The following LEF1 variants were observed in gnomAD, a reference collection of about 807,000 sequenced individuals.
LEF1 encodes lymphoid enhancer binding factor 1.
Under a neutral mutation model 51.2 loss-of-function variants are expected in LEF1, and 14 were observed. The ratio of observed to expected loss-of-function variants is 0.27; its 90% CI spans 0.18 to 0.43. The LOEUF (loss-of-function observed/expected upper bound fraction) is 0.43. Ranked by LOEUF, LEF1 falls within the 20% of genes least tolerant of loss-of-function variation. LEF1 has a pLI of 1.00. For synonymous variants in LEF1, 185 were observed against 183.2 expected (o/e 1.01, Z -0.08); for missense variants, 386 against 512.0 (o/e 0.75, Z 2.37).
rs148552511 is a variant in LEF1 at position 108,063,299 on chromosome 4, T to C, written c.*6+324A>G. Reference sequence around the variant, plus strand: ...AAGATGGCATTTTGCTTACTGTTTGTTGTTGTTTGTTCTTTTTTTAAGCAG... The same window carrying C: ...AAGATGGCATTTTGCTTACTGTTTGCTGTTGTTTGTTCTTTTTTTAAGCAG... On this transcript the variant is annotated intron_variant, in intron 11 of 11. Coordinates refer to ENST00000265165, the MANE Select transcript of LEF1 (RefSeq NM_016269.5). 1.9e-3 allele frequency among the ~76,000 whole-genome samples: 290 copies of C among 152,268 alleles called. 1 individual carries two copies. The highest frequency in any genetic ancestry group is 6.5e-3 in the African/African-American group (272 of 41,558).
At chr4:108,153,057 T>A (rs1190046503) in intron 3 of LEF1, among the ~76,000 whole-genome samples, 1 of 152,236 alleles carries the variant, frequency 6.6e-6, no homozygotes, top group Non-Finnish European at 1.5e-5. Context: ...CCTCCCTAGC[T>A]TGGTCACTAA....
At chr4:108,086,829 T>TACACAC (rs139231288) in intron 4 of LEF1, among the ~76,000 whole-genome samples, 108 of 149,410 alleles carry the variant, frequency 7.2e-4, no homozygotes, top group South Asian at 3.6e-3. Flanking sequence ...CACACACACT[T>TACACAC]ACACACACAC....
chr4:108,070,785 A>T lies in LEF1; in HGVS notation c.1009-15T>A, dbSNP rs2126275048. On this transcript the variant is annotated splice_polypyrimidine_tract_variant and intron_variant, in intron 8 of 11. Coordinates refer to ENST00000265165, the MANE Select transcript of LEF1 (RefSeq NM_016269.5). ...AGGGCATGCCACTAAAACAGAGAGGAAGGAAGAAAAAAACAAAAGTAAGCA... is the reference window on the plus strand; with the variant it reads ...AGGGCATGCCACTAAAACAGAGAGGTAGGAAGAAAAAAACAAAAGTAAGCA... 6.4e-7 allele frequency: 1 copy of T among 1,573,700 alleles called. No homozygotes were observed. Among genetic ancestry groups the T allele is most frequent in the East Asian group, 2.2e-5 (1 of 44,616 alleles).
At chr4:108,084,906 C>T (rs573356874) in intron 4 of LEF1, among the ~76,000 whole-genome samples, 1 of 152,120 alleles carries the variant, frequency 6.6e-6, no homozygotes, top group South Asian at 2.1e-4. Context: ...CCAGATACCT[C>T]CCCAAATCTC....
chr4:108,145,860 A>G (rs373299657), intron 3 of LEF1, among the ~76,000 whole-genome samples: 25 of 152,202 alleles, frequency 1.6e-4, no homozygotes, highest in African/African-American at 5.5e-4. Flanking sequence ...AGATAAGGGG[A>G]TAATAGCTAA....
intron 3 of LEF1, among the ~76,000 whole-genome samples, chr4:108,155,202 T>C (rs531106549): frequency 6.6e-6 from 1 of 152,296 alleles, no homozygotes; most frequent in South Asian, 2.1e-4. Context: ...TCCATTCAAG[T>C]AGTTAAGAGT....
At chr4:108,079,453 T>A (rs746101783) in intron 7 of LEF1, 39 bp downstream of exon 7, 20 of 1,610,896 alleles carry the variant, frequency 1.2e-5, no homozygotes, top group Non-Finnish European at 1.6e-5. Flanking sequence ...ATCCTCAGTA[T>A]CCTAAGGCAA....
At chr4:108,147,497 T>C (rs1744067276) in intron 3 of LEF1, among the ~76,000 whole-genome samples, 1 of 152,210 alleles carries the variant, frequency 6.6e-6, no homozygotes, top group South Asian at 2.1e-4. Context: ...GAAATATTTC[T>C]TTTTGAAAAA....
intron 3 of LEF1, among the ~76,000 whole-genome samples, chr4:108,149,437 C>G (rs553529077): frequency 9.6e-6 from 1 of 103,878 alleles, no homozygotes; most frequent in African/African-American, 4.3e-5. Flanking sequence ...CCAGCCTGGG[C>G]GACAGAGCGA....
At chr4:108,093,962 T>G (rs1740215742) in intron 3 of LEF1, among the ~76,000 whole-genome samples, 1 of 152,158 alleles carries the variant, frequency 6.6e-6, no homozygotes, top group African/African-American at 2.4e-5. Flanking sequence ...GCAGGTACTA[T>G]TATTATCCCC....
Position 108,092,939 on chromosome 4 carries a change from A to AAAAAAAAAAAAAC in LEF1, c.415-3683_415-3682insGTTTTTTTTTTTT, listed in dbSNP as rs1553952202. Reference sequence around the variant, plus strand: ...ATGTAAAAAAAAAAAAAAAAAAAAAAAAAAAAAAAAGACAAGCAAAATCTG... The same window carrying AAAAAAAAAAAAAC: ...ATGTAAAAAAAAAAAAAAAAAAAAAAAAAAAAAAAAAACAAAAAAAAAAGACAAGCAAAATCTG... On this transcript the variant is annotated intron_variant, in intron 3 of 11. Coordinates refer to ENST00000265165, the MANE Select transcript of LEF1 (RefSeq NM_016269.5). Among the ~76,000 whole-genome samples, 61 of 90,664 alleles carry AAAAAAAAAAAAAC rather than the reference A, an allele frequency of 6.7e-4. 2 individuals are homozygous for AAAAAAAAAAAAAC. Among genetic ancestry groups the AAAAAAAAAAAAAC allele is most frequent in the South Asian group, 1.7e-3 (4 of 2,396 alleles). The allele number at this position is 90,664 out of a possible 152,430, so 59.5% of individuals were successfully genotyped here.
At chr4:108,070,418 A>C in intron 9 of LEF1, 1 of 311,050 alleles carries the variant, frequency 3.2e-6, no homozygotes. Context: ...AATTTTAATA[A>C]TAAGGTATTA....
In LEF1 at chr4:108,163,661, G is replaced by A. The variant is rs771413821; in HGVS notation, c.321C>T (p.Ser107=). ...PDGGLYNKGP[S]YSSYSGYIMM... ...TTATGTACCCGGAATAACTCGAGTA[G>A]GAGGGTCCCTTGTTGTAGAGGCCTC... Residue 107 remains serine (S), a synonymous_variant, in exon 3 of 12, where the codon TCC becomes TCT. Coordinates refer to ENST00000265165, the MANE Select transcript of LEF1 (RefSeq NM_016269.5). 5.0e-6 allele frequency: 8 copies of A among 1,613,764 alleles called. No homozygotes were observed. The highest frequency in any genetic ancestry group is 6.8e-6 in the Non-Finnish European group (8 of 1,179,844).
intron 10 of LEF1, among the ~76,000 whole-genome samples, chr4:108,064,036 G>T (rs1296643574): frequency 6.6e-6 from 1 of 152,058 alleles, no homozygotes; most frequent in Admixed American, 6.5e-5. Flanking sequence ...GAGTGTTAAA[G>T]CAAAGTAAAC....
chr4:108,094,902 C>T (rs576263762), intron 3 of LEF1, among the ~76,000 whole-genome samples: 2 of 152,294 alleles, frequency 1.3e-5, no homozygotes, highest in Admixed American at 1.3e-4. Flanking sequence ...CTTCATGCTG[C>T]GCCTTTCCCT....
intron 11 of LEF1, among the ~76,000 whole-genome samples, chr4:108,056,726 G>A (rs1347370720): frequency 2.0e-5 from 3 of 152,164 alleles, no homozygotes; most frequent in South Asian, 4.2e-4. Flanking sequence ...CCTCAGACTG[G>A]AGCATTCCCA....
Position 108,140,051 on chromosome 4 carries a change from CAATAAACATAA to C in LEF1, c.414+23506_414+23516del, listed in dbSNP as rs750619902. Among the ~76,000 whole-genome samples, 62 of 152,162 alleles carry C rather than the reference CAATAAACATAA, an allele frequency of 4.1e-4. 1 individual carries two copies. The highest frequency in any genetic ancestry group is 7.6e-4 in the Non-Finnish European group (52 of 68,000). ...TACTTTTCATGTAAATCTCAGCTTT[CAATAAACATAA>C]AAATACACACACACACACTCCCCTC... is the stretch of plus-strand genomic sequence containing the variant. On this transcript the variant is annotated intron_variant, in intron 3 of 11. Transcript: ENST00000265165.
chr4:108,126,736 C>A (rs1487363279), intron 3 of LEF1, among the ~76,000 whole-genome samples: 1 of 141,000 alleles, frequency 7.1e-6, no homozygotes, highest in African/African-American at 2.7e-5. Context: ...ACCCGGGAAG[C>A]AGAGTTTGCA....
intron 3 of LEF1, among the ~76,000 whole-genome samples, chr4:108,130,621 T>C (rs538881495): frequency 1.4e-5 from 2 of 146,954 alleles, no homozygotes; most frequent in African/African-American, 5.1e-5. Flanking sequence ...TCCCAGGTAC[T>C]AGGGAGGCTG....
Sources: allele counts gnomAD v4.1 joint callset (sites outside exome capture counted in the v4.1 genomes callset), GRCh38; gene constraint gnomAD v4.1.1; transcripts MANE v1.5; gene names NCBI Gene and HGNC (gene_info 2026-07-23, HGNC 2026-07-21).